Variants in EP400 observed in about 807,000 individuals in gnomAD.
The protein encoded by EP400 is E1A-binding protein p400.
Under a neutral mutation model 354.1 loss-of-function variants are expected in EP400, and 105 were observed. The observed-to-expected ratio is 0.30, with a 90% CI of 0.25 to 0.35. The LOEUF is 0.35. Among genes scored for constraint, EP400 ranks in the 10% least tolerant of loss-of-function variants. The pLI is 1.00. For synonymous variants in EP400, 1,646 were observed against 1,716.9 expected, an observed-to-expected ratio of 0.96 and a Z score of 1.02; for missense variants, 3,280 against 4,121.0, an observed-to-expected ratio of 0.80 and a Z score of 5.59.
intron 12 of EP400, among the ~76,000 whole-genome samples, chr12:131,999,179 G>A (rs973762895): frequency 4.6e-5 from 7 of 151,824 alleles, no homozygotes; most frequent in South Asian, 2.1e-4. Context: ...CCACGGCCTC[G>A]GTCAGGTTGT....
chr12:132,028,027 C>G lies in EP400; in HGVS notation c.5120C>G (p.Thr1707Ser), dbSNP rs150303371. 1 of 1,612,820 alleles carries G rather than the reference C, an allele frequency of 6.2e-7. No individual in the cohort carries two copies. The highest frequency in any genetic ancestry group is 1.3e-5 in the African/African-American group (1 of 74,888). The change falls in exon 27 of 53, where the codon ACC becomes AGC. Residue 1707 changes from threonine to serine, a missense_variant. Thr to Ser is a moderately conservative substitution (Grantham distance 58, BLOSUM62 1). Around this residue, in one of 20 missense-constraint regions of EP400, gnomAD observed 459 missense variants for 496.9 expected, o/e 0.92. Transcript: ENST00000389561. The stretch of plus-strand genomic sequence containing the variant: ...CACTTTTTGATAAAGGAGGAAAAGA[C>G]CAGACTCTTGAAAGAGCGCCTGGAT... ...PIGGPTQEEK[T>S]RLLKERLDQI... is the part of the protein sequence containing the mutation.
rs118189999 is a variant in EP400, at chr12:132,057,893, C to T, written c.7884+2685C>T. On this transcript the variant is annotated intron_variant, in intron 45 of 52. Transcript: ENST00000389561. Reference sequence around the variant, plus strand: ...TTTAAAATGTAAAGCATTTCATTCACGACATATTTTTGAGTGGCTCTTAAT... The same window carrying T: ...TTTAAAATGTAAAGCATTTCATTCATGACATATTTTTGAGTGGCTCTTAAT... Among the ~76,000 whole-genome samples, 236 of 152,304 alleles carry T rather than the reference C, an allele frequency of 1.5e-3. 3 individuals carry two copies. In the East Asian group the frequency reaches 0.042, roughly 27 times the overall value.
At position 132,027,300 on chromosome 12, in the gene EP400, C is replaced by G. The variant is rs756718734; in HGVS notation, c.5015-137C>G. 3 of 822,460 alleles carry G rather than the reference C, an allele frequency of 3.6e-6. No individual in the cohort carries two copies. Among genetic ancestry groups the G allele is most frequent in the African/African-American group, 1.7e-5 (1 of 59,570 alleles). 50.9% of individuals were successfully genotyped at this position (822,460 alleles called of 1,614,324 possible). A position where few individuals can be genotyped will look rare whatever the true frequency, so the allele number is the denominator to read the frequency against. ...GGCATGTGCTGGTGGAGGATGAGGA[C>G]TTGGGGACATGCCGTTGCAGAATGA... is the stretch of plus-strand genomic sequence containing the variant. On this transcript the variant is annotated intron_variant, in intron 25 of 52. Transcript: ENST00000389561. The surrounding 1 kb of genome is among the most constrained non-coding windows in gnomAD (Gnocchi z 4.9).
intron 1 of EP400, among the ~76,000 whole-genome samples, chr12:131,951,340 C>CCATGCCCGGCCAATTTCT (rs1445666824): frequency 2.0e-5 from 3 of 151,930 alleles, no homozygotes; most frequent in African/African-American, 7.3e-5. Context: ...GCATGAGCCA[C>CCATGCCCGGCCAATTTCT]CATGCCCGGC....
At chr12:131,958,397 A>G (rs563661518) in intron 1 of EP400, among the ~76,000 whole-genome samples, 2 of 152,316 alleles carry the variant, frequency 1.3e-5, no homozygotes, top group African/African-American at 4.8e-5. Context: ...GAAACTAACC[A>G]TCTGATCAAA....
rs201476885 is a variant in EP400, at chr12:132,066,837, G to C, written c.8617G>C (p.Ala2873Pro). The change falls in exon 49 of 53, where the codon GCC becomes CCC. Residue 2873 changes from alanine to proline, a missense_variant. Ala to Pro is a conservative substitution (Grantham distance 27). Around this residue, in one of 20 missense-constraint regions of EP400, gnomAD observed 279 missense variants for 386.7 expected, o/e 0.72. Transcript: ENST00000389561. Reference sequence around the variant, plus strand: ...GATGCAGACCCAGGCACCCCAGCCAGCCCAGGTGGCCTTGGCGAAGCCTCC... The same window carrying C: ...GATGCAGACCCAGGCACCCCAGCCACCCCAGGTGGCCTTGGCGAAGCCTCC... ...GQMQTQAPQP[A>P]QVALAKPPVV... is the part of the protein sequence containing the mutation. 1.9e-6 allele frequency: 3 copies of C among 1,613,948 alleles called. No individual in the cohort carries two copies. In the South Asian group the frequency reaches 3.3e-5, roughly 18 times the overall value.
Position 132,067,172 on chromosome 12 carries a change from T to G in EP400, c.8750-190T>G. 1 of 1,164,430 alleles carries G rather than the reference T, an allele frequency of 8.6e-7. No homozygotes were observed. The allele number at this position is 1,164,430 out of a possible 1,614,324, so 72.1% of individuals were successfully genotyped here. On this transcript the variant is annotated intron_variant, in intron 49 of 52. Coordinates refer to ENST00000389561, the MANE Select transcript of EP400 (RefSeq NM_015409.5). The surrounding 1 kb of genome is among the most constrained non-coding windows in gnomAD (Gnocchi z 5.3). ...AATTGAACTGTTAACATTCTGAAAT[T>G]TCCGTCTTAATTTAAGTGTAATTTG...
chr12:132,014,426 T>C (rs1481510313), intron 19 of EP400, among the ~76,000 whole-genome samples: 2 of 152,202 alleles, frequency 1.3e-5, no homozygotes, highest in Non-Finnish European at 2.9e-5. Flanking sequence ...AGGGACGTGC[T>C]GGTGCCAGAA....
rs370798410 is a variant in EP400 at position 132,064,712 on chromosome 12, G to A, written c.8379G>A (p.Pro2793=). 6.8e-5 allele frequency: 109 copies of A among 1,613,582 alleles called. No individual in the cohort carries two copies. Among genetic ancestry groups the A allele is most frequent in the South Asian group, 1.8e-4 (16 of 91,046 alleles). The change falls in exon 48 of 53, where the codon CCG becomes CCA. Residue 2793 remains proline, a synonymous_variant. Transcript: ENST00000389561. ...KMQKQKLQMP[P]QPPPPQAQSA... ...AGAAGCAGAAACTGCAGATGCCCCC[G>A]CAGCCCCCACCGCCACAGGCCCAGT...
Position 132,021,252 on chromosome 12 carries a change from C to T in EP400, c.4621C>T (p.His1541Tyr), listed in dbSNP as rs1565918594. 6.5e-7 allele frequency: 1 copy of T among 1,545,358 alleles called. No homozygotes were observed. Among genetic ancestry groups the T allele is most frequent in the Non-Finnish European group, 8.7e-7 (1 of 1,151,742 alleles). ...CCCGCCCCAGCCCCAGGCCCCCTCG[C>T]ACGCGGCCGGGCAGAGCGCGCTGCC... ...QPPPQPQAPS[H>Y]AAGQSALPQR... The change falls in exon 23 of 53, where the codon CAC becomes TAC. Residue 1541 changes from histidine to tyrosine, a missense_variant. By Grantham distance (83) the His-to-Tyr change is moderately conservative (BLOSUM62 2). Around this residue, in one of 20 missense-constraint regions of EP400, gnomAD observed 342 missense variants for 342.7 expected, o/e 1.00. Transcript: ENST00000389561.
intron 1 of EP400, among the ~76,000 whole-genome samples, chr12:131,958,855 A>C (rs1301790884): frequency 2.0e-5 from 3 of 152,140 alleles, no homozygotes; most frequent in African/African-American, 7.2e-5. Context: ...GGTTTTTAAA[A>C]ATCCGTTGTC....
Position 132,043,472 on chromosome 12 carries a change from T to C in EP400, c.6366+10T>C. ...TGACTTCATGGAGCAGGTTTGGGCATGTTTTCCTTTACAACTACATATTTT... is the reference window on the plus strand; with the variant it reads ...TGACTTCATGGAGCAGGTTTGGGCACGTTTTCCTTTACAACTACATATTTT... On this transcript the variant is annotated intron_variant, in intron 33 of 52. Coordinates refer to ENST00000389561, the MANE Select transcript of EP400 (RefSeq NM_015409.5). 1 of 1,610,544 alleles carries C rather than the reference T, an allele frequency of 6.2e-7. No individual in the cohort carries two copies. Among genetic ancestry groups the C allele is most frequent in the Admixed American group, 1.7e-5 (1 of 59,502 alleles).
Position 132,050,365 on chromosome 12 carries a change from C to T in EP400, c.7243C>T (p.Gln2415Ter). Residue 2415 changes from glutamine to a stop codon, truncating the protein, a stop_gained, in exon 40 of 53, where the codon CAG becomes TAG. Transcript: ENST00000389561. LOFTEE classifies it high-confidence loss of function. The surrounding 1 kb of genome is among the most constrained non-coding windows in gnomAD (Gnocchi z 4.8). ...RPLRTSQIYA[Q>*]DENATHTQLY... ...TCTCCGTACGAGCCAGATCTATGCC[C>T]AGGATGAGAATGCCACACACACCCA... 1 of 1,614,104 alleles carries T rather than the reference C, an allele frequency of 6.2e-7. No individual in the cohort carries two copies. The highest frequency in any genetic ancestry group is 8.5e-7 in the Non-Finnish European group (1 of 1,180,020).
intron 32 of EP400, among the ~76,000 whole-genome samples, chr12:132,039,937 G>A (rs910735586): frequency 6.6e-6 from 1 of 152,236 alleles, no homozygotes; most frequent in African/African-American, 2.4e-5. Context: ...CTACTGGGGT[G>A]GCTGAGGCGG....
At chr12:131,950,549 G>C (rs572511735) in intron 1 of EP400, among the ~76,000 whole-genome samples, 1 of 152,264 alleles carries the variant, frequency 6.6e-6, no homozygotes, top group African/African-American at 2.4e-5. Flanking sequence ...CGCGTCCCGG[G>C]CGTCCCGGAA....
intron 19 of EP400, among the ~76,000 whole-genome samples, chr12:132,014,549 A>G (rs1566187430): frequency 6.6e-6 from 1 of 152,152 alleles, no homozygotes; most frequent in South Asian, 2.1e-4. Flanking sequence ...AGTTTAGATG[A>G]AAAAAACACA....
intron 52 of EP400, 32 bp downstream of exon 52, chr12:132,076,625 A>G (rs750359400): frequency 2.5e-6 from 4 of 1,577,962 alleles, no homozygotes; most frequent in Non-Finnish European, 3.5e-6. Flanking sequence ...GAAACCTCAC[A>G]TTTCCCAGGT....
intron 1 of EP400, among the ~76,000 whole-genome samples, chr12:131,959,859 T>G (rs1360107608): frequency 6.6e-6 from 1 of 152,216 alleles, no homozygotes; most frequent in Non-Finnish European, 1.5e-5. Context: ...GTCTTACCCG[T>G]GTCTGTCTCT....
At chr12:131,996,532 C>T (rs1893223224) in intron 12 of EP400, among the ~76,000 whole-genome samples, 1 of 152,046 alleles carries the variant, frequency 6.6e-6, no homozygotes, top group African/African-American at 2.4e-5. Context: ...ACCTCATGAT[C>T]CACCCGCCTC....
Sources: gnomAD v4.1 joint callset for allele counts (sites outside exome capture counted in the v4.1 genomes callset) on GRCh38, gnomAD v4.1.1 for gene constraint, gnomAD v4.1.1 regional missense constraint, Gnocchi (gnomAD v3.1) non-coding constraint, MANE v1.5 for transcripts, NCBI Gene and HGNC (gene_info 2026-07-23, HGNC 2026-07-21) for gene names.